Variants in WFDC8 observed in about 807,000 individuals in gnomAD.
The protein encoded by WFDC8 is WAP four-disulfide core domain 8, also known as WAP four-disulfide core domain protein 8.
In WFDC8, 24 loss-of-function variants were observed where a neutral mutation model predicts 27.0. The observed-to-expected ratio is 0.89, with a 90% confidence interval of 0.64 to 1.25. WFDC8 has a LOEUF of 1.25. Among genes scored for constraint, WFDC8 ranks in the 50% most tolerant of loss-of-function variants. WFDC8 has a pLI of 0.00. For synonymous variants in WFDC8, 106 were observed against 99.7 expected, an observed-to-expected ratio of 1.06 and a Z score of -0.38; for missense variants, 287 against 295.9, an observed-to-expected ratio of 0.97 and a Z score of 0.22.
At chr20:45,563,056 A>T (rs996271328) in intron 1 of WFDC8, among the ~76,000 whole-genome samples, 3 of 152,226 alleles carry the variant, frequency 2.0e-5, no homozygotes, top group African/African-American at 7.2e-5. Context: ...GGAATAGAGT[A>T]TCTTCCAGAG....
At chr20:45,553,089 C>A in intron 5 of WFDC8, 47 bp downstream of exon 5, 1 of 1,579,374 alleles carries the variant, frequency 6.3e-7, no homozygotes, top group South Asian at 1.2e-5. Context: ...GCATGACATC[C>A]TTGGCACATG....
chr20:45,562,341 AC>A, intron 1 of WFDC8, 122 bp from the exon 2 acceptor site: 1 of 744,462 alleles, frequency 1.3e-6, no homozygotes. Flanking sequence ...GAAGACTGAC[AC>A]CAGCATGGGG....
chr20:45,552,088 A>C lies in WFDC8; in HGVS notation c.664T>G (p.Cys222Gly). Reference protein sequence around the residue: ...DKPKCLQDEECPLVEKCCSHC... With the variant: ...DKPKCLQDEEGPLVEKCCSHC... ...GAGCAGCACTTTTCCACCAATGGGCACTCCTCATCCTGCAGGCACTTGGGT... is the reference window on the plus strand; with the variant it reads ...GAGCAGCACTTTTCCACCAATGGGCCCTCCTCATCCTGCAGGCACTTGGGT... The change falls in exon 6 of 6, where the codon TGC (cysteine) becomes GGC (glycine). Residue 222 changes from cysteine (C) to glycine (G), a missense_variant. By Grantham distance (159) the Cys-to-Gly change is radical. Coordinates refer to ENST00000289953, the MANE Select transcript of WFDC8 (RefSeq NM_130896.3). 1 of 1,614,086 alleles carries C rather than the reference A, an allele frequency of 6.2e-7. No homozygotes were observed. The highest frequency in any genetic ancestry group is 8.5e-7 in the Non-Finnish European group (1 of 1,179,972).
At chr20:45,553,340 C>A in intron 4 of WFDC8, 64 bp from the exon 5 acceptor site, 3 of 1,554,878 alleles carry the variant, frequency 1.9e-6, no homozygotes, top group South Asian at 1.2e-5. Context: ...CTTCAAAGAG[C>A]CTTTCCTTCT....
At chr20:45,551,193 G>T (rs1345145950), downstream of WFDC8, 2 of 152,118 alleles carry the variant, frequency 1.3e-5, no homozygotes, top group Non-Finnish European at 2.9e-5. Flanking sequence ...TGCAAGGATG[G>T]CTCAAGAAAA....
intron 3 of WFDC8, 39 bp from the exon 4 acceptor site, chr20:45,555,907 A>C: frequency 6.3e-7 from 1 of 1,594,198 alleles, no homozygotes; most frequent in Non-Finnish European, 8.6e-7. Flanking sequence ...TATGAAGAGT[A>C]GAGATAAAAG....
At chr20:45,568,456 T>C in intron 1 of WFDC8, 1 of 300,254 alleles carries the variant, frequency 3.3e-6, no homozygotes, top group South Asian at 3.3e-5. Context: ...GTGTATGTCT[T>C]CTCCATCTGT....
In WFDC8 at chr20:45,558,916, G is replaced by C; in HGVS notation, c.213C>G (p.Asp71Glu). Residue 71 changes from aspartate to glutamate, a missense_variant, in exon 3 of 6, where the codon GAC (aspartate) becomes GAG (glutamate). Asp to Glu is a conservative substitution (Grantham distance 45, BLOSUM62 2). Coordinates refer to ENST00000289953, the MANE Select transcript of WFDC8 (RefSeq NM_130896.3). ...ELPDSCNTDF[D>E]CKEYQKCCFF... The stretch of plus-strand genomic sequence containing the variant: ...AGCAGCACTTCTGGTATTCCTTGCA[G>C]TCAAAATCTGTGTTACATGAGTCCG... The C allele has an allele frequency of 6.2e-7, 1 of 1,614,226 alleles. No individual in the cohort carries two copies. The highest frequency in any genetic ancestry group is 8.5e-7 in the Non-Finnish European group (1 of 1,180,036).
intron 4 of WFDC8, among the ~76,000 whole-genome samples, chr20:45,553,811 C>A (rs62205618): frequency 1.3e-5 from 2 of 151,884 alleles, no homozygotes; most frequent in Non-Finnish European, 2.9e-5. Flanking sequence ...TAAGGTTTTA[C>A]CAGATTTAGG....
intron 1 of WFDC8, among the ~76,000 whole-genome samples, chr20:45,564,620 GC>G (rs1338434183): frequency 6.6e-6 from 1 of 150,862 alleles, no homozygotes; most frequent in Non-Finnish European, 1.5e-5. Context: ...CTTTCAGTGA[GC>G]CGAGATCGCC....
chr20:45,569,389 G>A (rs1004872135), intron 1 of WFDC8, among the ~76,000 whole-genome samples: 2 of 151,930 alleles, frequency 1.3e-5, no homozygotes, highest in Admixed American at 6.5e-5. Flanking sequence ...ATAAAATTGT[G>A]TTTCTCAATT....
chr20:45,562,271 C>CA (rs1273048842), intron 1 of WFDC8, 52 bp from the exon 2 acceptor site: 1 of 1,492,462 alleles, frequency 6.7e-7, no homozygotes, highest in South Asian at 1.1e-5. Flanking sequence ...GAGAGAGACA[C>CA]AAAGTGTGTG....
chr20:45,568,023 GAC>G (rs1465648334), intron 1 of WFDC8: 5 of 277,432 alleles, frequency 1.8e-5, no homozygotes, highest in Non-Finnish European at 3.8e-5. Context: ...CCCTGCTAGA[GAC>G]TTGCTACTGC....
At chr20:45,557,168 TA>T (rs1980292183) in intron 3 of WFDC8, among the ~76,000 whole-genome samples, 5 of 152,206 alleles carry the variant, frequency 3.3e-5, no homozygotes. Flanking sequence ...TGAATTAGGC[TA>T]CAAAGTTTTG....
intron 1 of WFDC8, among the ~76,000 whole-genome samples, chr20:45,573,627 A>G (rs1980945092): frequency 1.3e-5 from 2 of 152,164 alleles, no homozygotes; most frequent in Non-Finnish European, 2.9e-5. Context: ...TGCAAAAGAC[A>G]TTATTTCATT....
At chr20:45,578,150 T>A (rs1241175070) in intron 1 of WFDC8, among the ~76,000 whole-genome samples, 1 of 151,332 alleles carries the variant, frequency 6.6e-6, no homozygotes, top group African/African-American at 2.4e-5. Flanking sequence ...AATTACCATC[T>A]CTGTCATGTG....
intron 1 of WFDC8, among the ~76,000 whole-genome samples, chr20:45,573,802 A>T (rs543263745): frequency 6.6e-6 from 1 of 152,202 alleles, no homozygotes; most frequent in African/African-American, 2.4e-5. Flanking sequence ...TGTTCTTGGC[A>T]CCTTTATCAA....
chr20:45,559,076 T>C, intron 2 of WFDC8, 84 bp from the exon 3 acceptor site: 1 of 1,554,348 alleles, frequency 6.4e-7, no homozygotes, highest in South Asian at 1.2e-5. Context: ...AGTGAAATTC[T>C]CTCAGCCCTA....
chr20:45,571,151 C>CT (rs1206625886), intron 1 of WFDC8, among the ~76,000 whole-genome samples: 2 of 151,960 alleles, frequency 1.3e-5, no homozygotes, highest in Non-Finnish European at 2.9e-5. Context: ...AATATTATTC[C>CT]TTTTTTATTT....
Sources: gnomAD v4.1 joint callset for allele counts (sites outside exome capture counted in the v4.1 genomes callset) on GRCh38, gnomAD v4.1.1 for gene constraint, MANE v1.5 for transcripts, NCBI Gene and HGNC (gene_info 2026-07-23, HGNC 2026-07-21) for gene names.